AGTPBP1: variants seen among roughly 807,000 people sequenced by gnomAD.
The protein encoded by AGTPBP1 is ATP/GTP binding carboxypeptidase 1.
Under a neutral mutation model 143.9 loss-of-function variants are expected in AGTPBP1, and 70 were observed. The observed-to-expected ratio is 0.49, with a 90% CI of 0.40 to 0.59. The LOEUF is 0.59. Among genes scored for constraint, AGTPBP1 ranks in the 20% least tolerant of loss-of-function variants. The pLI, the probability that AGTPBP1 is intolerant of heterozygous loss-of-function variation, is 0.00. For missense variants in AGTPBP1, 1,229 were observed against 1,464.5 expected (o/e 0.84, Z 2.62); for synonymous variants, 463 against 500.2 (o/e 0.93, Z 0.99).
At chr9:85,770,655 A>G in the AGTPBP1 span, among the ~76,000 whole-genome samples, 7 of 152,354 alleles carry the variant, frequency 4.6e-5, no homozygotes, top group African/African-American at 1.7e-4. Flanking sequence ...GTTGTTATCT[A>G]AAAGCTTTGT....
intron 9 of AGTPBP1, among the ~76,000 whole-genome samples, chr9:85,658,801 G>A (rs12342524): frequency 0.013 from 2,028 of 152,178 alleles, 50 homozygotes; most frequent in African/African-American, 0.046. Context: ...CTAGAGCTAC[G>A]GAAAAGATTT....
the AGTPBP1 span, chr9:85,792,145 A>G: frequency 6.6e-6 from 1 of 152,216 alleles, no homozygotes; most frequent in Non-Finnish European, 1.5e-5. Flanking sequence ...GTATAAAAAA[A>G]CTTTAATTCA....
At chr9:85,698,505 C>G (rs78277558) in intron 2 of AGTPBP1, among the ~76,000 whole-genome samples, 145 of 152,052 alleles carry the variant, frequency 9.5e-4, no homozygotes, top group African/African-American at 3.4e-3. Flanking sequence ...AGGGTGAACA[C>G]CAGAGGGCAG....
chr9:85,795,616 A>G, the AGTPBP1 span, among the ~76,000 whole-genome samples: 1 of 152,200 alleles, frequency 6.6e-6, no homozygotes, highest in South Asian at 2.1e-4. Context: ...GTAAAGAGGA[A>G]TATAATGACT....
At chr9:85,709,869 T>A (rs371845120) in intron 2 of AGTPBP1, among the ~76,000 whole-genome samples, 8 of 152,318 alleles carry the variant, frequency 5.3e-5, no homozygotes, top group African/African-American at 1.9e-4. Flanking sequence ...TTACTAGACG[T>A]GCTTCTTTGA....
chr9:85,658,818 T>C (rs1238886632), intron 9 of AGTPBP1, among the ~76,000 whole-genome samples: 1 of 152,174 alleles, frequency 6.6e-6, no homozygotes, highest in Non-Finnish European at 1.5e-5. Context: ...ATTTCTTATG[T>C]GAAGGCTTTA....
At chr9:85,698,915 G>A (rs1169555804) in intron 2 of AGTPBP1, among the ~76,000 whole-genome samples, 2 of 151,368 alleles carry the variant, frequency 1.3e-5, no homozygotes, top group African/African-American at 2.4e-5. Context: ...GGATGGTCTC[G>A]ATCTCCTGAC....
intron 3 of AGTPBP1, among the ~76,000 whole-genome samples, chr9:85,684,553 C>T (rs1446807705): frequency 1.3e-5 from 2 of 152,012 alleles, no homozygotes; most frequent in African/African-American, 4.8e-5. Flanking sequence ...TTTTCTTTCT[C>T]GGTGAAGCTC....
chr9:85,751,162 G>C, the AGTPBP1 span, among the ~76,000 whole-genome samples: 17 of 152,270 alleles, frequency 1.1e-4, no homozygotes, highest in East Asian at 2.7e-3. Context: ...CCAAAACTCA[G>C]ACAGAGGACA....
At chr9:85,598,456 A>T (rs1237197909) in intron 17 of AGTPBP1, among the ~76,000 whole-genome samples, 1 of 152,164 alleles carries the variant, frequency 6.6e-6, no homozygotes, top group Non-Finnish European at 1.5e-5. Flanking sequence ...TATTATTCAA[A>T]TTCTCTATAG....
chr9:85,616,891 T>C (rs561385425), intron 17 of AGTPBP1, among the ~76,000 whole-genome samples: 8 of 152,130 alleles, frequency 5.3e-5, no homozygotes, highest in African/African-American at 1.9e-4. Context: ...TTCACATAAA[T>C]CAATATACTT....
Position 85,692,749 on chromosome 9 carries a change from A to ATC in AGTPBP1, c.96_97insGA (p.Ser33AspfsTer28). On this transcript the variant is annotated frameshift_variant, in exon 3 of 26. Transcript: ENST00000357081. LOFTEE classifies it high-confidence loss of function. Reference sequence around the variant, plus strand: ...ACATATCGGGCAGTGTCTGATTCTGAAGGCTCAGCATTGATCTTCTCCAGT... The same window carrying ATC: ...ACATATCGGGCAGTGTCTGATTCTGATCAGGCTCAGCATTGATCTTCTCCAGT... The ATC allele has an allele frequency of 6.2e-7, 1 of 1,614,026 alleles. No individual in the cohort carries two copies. The highest frequency in any genetic ancestry group is 8.5e-7 in the Non-Finnish European group (1 of 1,179,932).
intron 11 of AGTPBP1, 110 bp downstream of exon 11, chr9:85,655,033 G>A (rs1283281050): frequency 1.1e-5 from 11 of 962,136 alleles, no homozygotes; most frequent in South Asian, 2.4e-5. Context: ...TGTTTATCAC[G>A]TTAAGTAAGG....
At chr9:85,761,932 A>T in the AGTPBP1 span, among the ~76,000 whole-genome samples, 1 of 151,720 alleles carries the variant, frequency 6.6e-6, no homozygotes, top group South Asian at 2.1e-4. Context: ...TTACAAGAAA[A>T]AAACAACCCC....
At chr9:85,587,167 TTG>T (rs1300777209) in intron 21 of AGTPBP1, among the ~76,000 whole-genome samples, 1 of 152,226 alleles carries the variant, frequency 6.6e-6, no homozygotes, top group Non-Finnish European at 1.5e-5. Flanking sequence ...GTGCAAGATT[TTG>T]TGTCACATGC....
rs1479170623 is a variant in AGTPBP1 at position 85,655,339 on chromosome 9, A to G, written c.910-19T>C. On this transcript the variant is annotated intron_variant, in intron 10 of 25. Transcript: ENST00000357081. The stretch of plus-strand genomic sequence containing the variant: ...GACATTCCTGTTTTTTAAAAAAAGA[A>G]AAAGAAAAAGAATGTTTTTGATGAA... 6.1e-6 allele frequency: 9 copies of G among 1,475,360 alleles called. No individual in the cohort carries two copies. The highest frequency in any genetic ancestry group is 8.1e-6 in the Non-Finnish European group (9 of 1,112,310). 91.4% of individuals were successfully genotyped at this position (1,475,360 alleles called of 1,614,324 possible). A position where few individuals can be genotyped will look rare whatever the true frequency, so the allele number is the denominator to read the frequency against.
At chr9:85,583,260 A>C in intron 23 of AGTPBP1, among the ~76,000 whole-genome samples, 1 of 152,106 alleles carries the variant, frequency 6.6e-6, no homozygotes, top group Admixed American at 6.6e-5. Flanking sequence ...TTGTTTTGCT[A>C]TGTTTGTTGT....
the AGTPBP1 span, among the ~76,000 whole-genome samples, chr9:85,777,919 T>C: frequency 2.6e-5 from 4 of 152,236 alleles, no homozygotes; most frequent in Non-Finnish European, 4.4e-5. Context: ...AGGGATGTCC[T>C]AGAAAGGGGC....
chr9:85,690,350 G>T (rs1181327324), intron 3 of AGTPBP1, among the ~76,000 whole-genome samples: 1 of 152,160 alleles, frequency 6.6e-6, no homozygotes, highest in Non-Finnish European at 1.5e-5. Flanking sequence ...CTAATCCTAG[G>T]CACTATAAAC....
Sources: gnomAD v4.1 joint callset for allele counts (sites outside exome capture counted in the v4.1 genomes callset) on GRCh38, gnomAD v4.1.1 for gene constraint, MANE v1.5 for transcripts, NCBI Gene and HGNC (gene_info 2026-07-23, HGNC 2026-07-21) for gene names.